FRYL: variants seen among roughly 807,000 people sequenced by gnomAD.
The protein encoded by FRYL is protein furry homolog-like.
In FRYL, 150 loss-of-function variants were observed where a neutral mutation model predicts 351.2. The ratio of observed to expected loss-of-function variants is 0.43; its 90% CI spans 0.37 to 0.49. The LOEUF (loss-of-function observed/expected upper bound fraction) is 0.49. Ranked by LOEUF, FRYL falls within the 20% of genes least tolerant of loss-of-function variation. FRYL has a pLI of 0.00. For missense variants in FRYL, 3,036 were observed against 3,619.3 expected (o/e 0.84, Z 4.13); for synonymous variants, 1,153 against 1,257.1 (o/e 0.92, Z 1.75).
At chr4:48,644,468 G>C (rs1475032647) in intron 3 of FRYL, among the ~76,000 whole-genome samples, 1 of 131,556 alleles carries the variant, frequency 7.6e-6, no homozygotes, top group Non-Finnish European at 1.6e-5. Context: ...CAACTCAGTA[G>C]ACATAAGTGT....
intron 2 of FRYL, among the ~76,000 whole-genome samples, chr4:48,707,427 G>A (rs553941528): frequency 6.6e-6 from 1 of 152,162 alleles, no homozygotes; most frequent in Non-Finnish European, 1.5e-5. Context: ...ACACAGGAGT[G>A]AGAGAAAAGT....
Position 48,522,982 on chromosome 4 carries a change from G to A in FRYL, c.7440C>T (p.Leu2480=). The part of the protein sequence containing the change: ...QCSSSTPSLN[L]TNQEDTDESS... ...ACTCATCTGTATCCTCCTGATTGGT[G>A]AGGTTCAGGCTGGGGGTGCTACTAG... The change falls in exon 54 of 64, where the codon CTC becomes CTT. Residue 2480 remains leucine, a synonymous_variant. Coordinates refer to ENST00000358350, the MANE Select transcript of FRYL (RefSeq NM_015030.2). The A allele has an allele frequency of 1.2e-6, 2 of 1,613,974 alleles. No homozygotes were observed. Among genetic ancestry groups the A allele is most frequent in the South Asian group, 1.1e-5 (1 of 91,084 alleles).
chr4:48,678,521 A>AG (rs1764118521), intron 3 of FRYL, among the ~76,000 whole-genome samples: 1 of 151,074 alleles, frequency 6.6e-6, no homozygotes, highest in South Asian at 2.1e-4. Flanking sequence ...AAAAAAAAAA[A>AG]AAAAAAAAAA....
intron 1 of FRYL, among the ~76,000 whole-genome samples, chr4:48,730,563 C>T (rs1477399759): frequency 6.6e-6 from 1 of 152,180 alleles, no homozygotes; most frequent in African/African-American, 2.4e-5. Context: ...AGCCAGAAGA[C>T]AGTGGGGGCC....
chr4:48,743,286 A>C (rs1772320239), intron 1 of FRYL, among the ~76,000 whole-genome samples: 1 of 152,196 alleles, frequency 6.6e-6, no homozygotes, highest in Admixed American at 6.5e-5. Flanking sequence ...TCACACCTAA[A>C]AATCACAAAT....
intron 33 of FRYL, among the ~76,000 whole-genome samples, chr4:48,559,261 G>A (rs1208870225): frequency 6.6e-6 from 1 of 151,942 alleles, no homozygotes; most frequent in Non-Finnish European, 1.5e-5. Context: ...AGCTCAGAAA[G>A]TAGTTGAATG....
intron 2 of FRYL, among the ~76,000 whole-genome samples, chr4:48,702,299 T>C (rs746091592): frequency 1.3e-5 from 2 of 148,794 alleles, no homozygotes; most frequent in Non-Finnish European, 3.0e-5. Flanking sequence ...CTGCTAAAAA[T>C]ACAAAAACTA....
rs1048213042 is a variant in FRYL at position 48,632,987 on chromosome 4, G to A, written c.120+1304C>T. Among the ~76,000 whole-genome samples, 29 of 152,188 alleles carry A rather than the reference G, an allele frequency of 1.9e-4. 1 individual carries two copies. Among genetic ancestry groups the A allele is most frequent in the African/African-American group, 6.3e-4 (26 of 41,540 alleles). On this transcript the variant is annotated intron_variant, in intron 4 of 63. Coordinates refer to ENST00000358350, the MANE Select transcript of FRYL (RefSeq NM_015030.2). The stretch of plus-strand genomic sequence containing the variant: ...ATTATTGTGCCTAACTCCTCAGTGC[G>A]CCGTCACAAACCCTCTGAATCTGAA...
chr4:48,720,303 C>T (rs1769330809), intron 1 of FRYL, among the ~76,000 whole-genome samples: 2 of 151,932 alleles, frequency 1.3e-5, no homozygotes, highest in South Asian at 2.1e-4. Context: ...CAAGACTAGC[C>T]TGGCCAACAT....
chr4:48,730,086 T>C (rs918145409), intron 1 of FRYL, among the ~76,000 whole-genome samples: 1 of 152,046 alleles, frequency 6.6e-6, no homozygotes, highest in Non-Finnish European at 1.5e-5. Context: ...TCATGAAGCA[T>C]ACACAAGCTT....
chr4:48,554,586 G>C (rs534300082), intron 35 of FRYL, among the ~76,000 whole-genome samples: 1 of 152,192 alleles, frequency 6.6e-6, no homozygotes, highest in Admixed American at 6.5e-5. Context: ...TGATCCTCCT[G>C]CCTTGGCCTC....
At position 48,565,047 on chromosome 4, in the gene FRYL, C is replaced by T; in HGVS notation, c.3331-4G>A. The T allele has an allele frequency of 6.7e-7, 1 of 1,487,492 alleles. No individual in the cohort carries two copies. Among genetic ancestry groups the T allele is most frequent in the Non-Finnish European group, 9.1e-7 (1 of 1,097,240 alleles). The allele number at this position is 1,487,492 out of a possible 1,614,324, so 92.1% of individuals were successfully genotyped here. A position where few individuals can be genotyped will look rare whatever the true frequency, so the allele number is the denominator to read the frequency against. ...AACACAGTACAGCAGACATAGCCTTCAAATAATAATATTAGAATTACATTT... is the reference window on the plus strand; with the variant it reads ...AACACAGTACAGCAGACATAGCCTTTAAATAATAATATTAGAATTACATTT... On this transcript the variant is annotated splice_region_variant and splice_polypyrimidine_tract_variant and intron_variant, in intron 29 of 63. Coordinates refer to ENST00000358350, the MANE Select transcript of FRYL (RefSeq NM_015030.2).
Position 48,510,054 on chromosome 4 carries a change from C to T in FRYL, c.8394+5G>A. 1.2e-6 allele frequency: 2 copies of T among 1,602,096 alleles called. No individual in the cohort carries two copies. Among genetic ancestry groups the T allele is most frequent in the Non-Finnish European group, 1.7e-6 (2 of 1,169,220 alleles). On this transcript the variant is annotated splice_donor_5th_base_variant and intron_variant, in intron 59 of 63. Coordinates refer to ENST00000358350, the MANE Select transcript of FRYL (RefSeq NM_015030.2). ...ACTTTTCGCACATGGTAAAAAGAGACTGACCTGCTCAGCGGCTTCTCTTTT... is the reference window on the plus strand; with the variant it reads ...ACTTTTCGCACATGGTAAAAAGAGATTGACCTGCTCAGCGGCTTCTCTTTT...
rs1718961939 is a variant in FRYL, at chr4:48,498,914, G to A, written c.*508C>T. 1 of 157,844 alleles carries A rather than the reference G, an allele frequency of 6.3e-6. No homozygotes were observed. Among genetic ancestry groups the A allele is most frequent in the Admixed American group, 6.1e-5 (1 of 16,374 alleles). 9.8% of individuals were successfully genotyped at this position (157,844 alleles called of 1,614,324 possible). ...TGAAAAATCAATGGTTTTTGCAAAC[G>A]AGTCTTGATGCGTATAGCTGACTGC... On this transcript the variant is annotated 3_prime_UTR_variant, in exon 64 of 64. Transcript: ENST00000358350.
At chr4:48,716,757 C>A (rs1335572070) in intron 1 of FRYL, among the ~76,000 whole-genome samples, 1 of 151,518 alleles carries the variant, frequency 6.6e-6, no homozygotes, top group Non-Finnish European at 1.5e-5. Context: ...TTTGACCTGG[C>A]CATACCATTA....
chr4:48,755,998 C>A (rs1288821224), intron 1 of FRYL, among the ~76,000 whole-genome samples: 1 of 151,234 alleles, frequency 6.6e-6, no homozygotes, highest in Non-Finnish European at 1.5e-5. Flanking sequence ...CTTTGGGAGG[C>A]CGAGGGAAGA....
intron 1 of FRYL, among the ~76,000 whole-genome samples, chr4:48,778,407 CAG>C (rs1208267427): frequency 4.0e-5 from 6 of 150,464 alleles, no homozygotes; most frequent in African/African-American, 1.2e-4. Context: ...CAAAATAATT[CAG>C]AGTGGAAGAC....
chr4:48,526,500 T>C (rs1209469409), intron 53 of FRYL, among the ~76,000 whole-genome samples: 2 of 152,114 alleles, frequency 1.3e-5, no homozygotes, highest in Non-Finnish European at 2.9e-5. Flanking sequence ...GCTAAGACCA[T>C]TTAGGAAAGC....
At chr4:48,732,863 G>C (rs1770882149) in intron 1 of FRYL, among the ~76,000 whole-genome samples, 1 of 151,014 alleles carries the variant, frequency 6.6e-6, no homozygotes, top group African/African-American at 2.4e-5. Context: ...ACCATGGAAT[G>C]TGCGTACCTA....
Sources: allele counts gnomAD v4.1 joint callset (sites outside exome capture counted in the v4.1 genomes callset), GRCh38; gene constraint gnomAD v4.1.1; transcripts MANE v1.5; gene names NCBI Gene and HGNC (gene_info 2026-07-23, HGNC 2026-07-21).